Variants in FMNL3 observed in about 807,000 individuals in gnomAD.
FMNL3 encodes formin-like protein 3.
Under a neutral mutation model 119.6 loss-of-function variants are expected in FMNL3, and 57 were observed. The ratio of observed to expected loss-of-function variants is 0.48; its 90% CI spans 0.39 to 0.59. The LOEUF is 0.59. FMNL3 is among the 20% of genes least tolerant of loss of function. FMNL3 has a pLI of 0.00. For synonymous variants in FMNL3, 491 were observed against 507.3 expected (o/e 0.97, Z 0.43); for missense variants, 1,053 against 1,323.5 (o/e 0.80, Z 3.17).
intron 1 of FMNL3, among the ~76,000 whole-genome samples, chr12:49,700,947 T>C (rs370444243): frequency 1.1e-4 from 16 of 150,130 alleles, no homozygotes; most frequent in Admixed American, 6.0e-4. Flanking sequence ...GGCGTGGTGG[T>C]GGGCGTCTGT....
At chr12:49,688,390 T>C (rs1944521489) in intron 1 of FMNL3, 3 of 455,888 alleles carry the variant, frequency 6.6e-6, no homozygotes, top group Non-Finnish European at 1.3e-5. Context: ...TACAATTAAT[T>C]TCCAAACTCC....
intron 1 of FMNL3, 120 bp downstream of exon 1, chr12:49,706,935 G>T: frequency 8.4e-7 from 1 of 1,187,318 alleles, no homozygotes; most frequent in Non-Finnish European, 1.2e-6. Flanking sequence ...TGGAGGCCGG[G>T]ATCCGTTCGG....
At position 49,642,675 on chromosome 12, in the gene FMNL3, G is replaced by A; in HGVS notation, c.*3140C>T. ...TCCGGGAGTTCCTACAGGTGCTGGAGGTGAGGCAGGCTTGTCCTCTGGATC... is the reference window on the plus strand; with the variant it reads ...TCCGGGAGTTCCTACAGGTGCTGGAAGTGAGGCAGGCTTGTCCTCTGGATC... On this transcript the variant is annotated 3_prime_UTR_variant, in exon 26 of 26. Coordinates refer to ENST00000335154, the MANE Select transcript of FMNL3 (RefSeq NM_175736.5). This position sits in a 1 kb window ranked among gnomAD's most constrained non-coding sequence, Gnocchi z 5.8. 1 of 1,613,734 alleles carries A rather than the reference G, an allele frequency of 6.2e-7. No individual in the cohort carries two copies. The highest frequency in any genetic ancestry group is 8.5e-7 in the Non-Finnish European group (1 of 1,179,862).
chr12:49,651,001 A>C, intron 16 of FMNL3, 123 bp from the exon 17 acceptor site: 1 of 1,472,124 alleles, frequency 6.8e-7, no homozygotes. Flanking sequence ...ATACAAACAC[A>C]AAGTGTTGAC....
In FMNL3 at chr12:49,642,737, A is replaced by G. The variant is rs1942844423; in HGVS notation, c.*3078T>C. 6.5e-7 allele frequency: 1 copy of G among 1,543,848 alleles called. No individual in the cohort carries two copies. The highest frequency in any genetic ancestry group is 1.9e-5 in the Admixed American group (1 of 53,898). ...CTTGAACTCATTAGACCAGTTCAAC[A>G]GAGACCTCAGTGGCCTCCCTCTTAC... On this transcript the variant is annotated 3_prime_UTR_variant, in exon 26 of 26. Transcript: ENST00000335154. The surrounding 1 kb of genome is among the most constrained non-coding windows in gnomAD (Gnocchi z 5.8).
chr12:49,669,374 T>C (rs1191802652), intron 1 of FMNL3, among the ~76,000 whole-genome samples: 1 of 152,234 alleles, frequency 6.6e-6, no homozygotes, highest in Non-Finnish European at 1.5e-5. Context: ...GTTTGGTGAC[T>C]GAATAAGGTA....
rs780468537 is a variant in FMNL3, at chr12:49,647,415, G to A, written c.2779-47C>T. ...GGGTGGGGAGTGAGGCTCATAGGCTGTGAGGGGAGGGGCTGACACTGAGGT... is the reference window on the plus strand; with the variant it reads ...GGGTGGGGAGTGAGGCTCATAGGCTATGAGGGGAGGGGCTGACACTGAGGT... On this transcript the variant is annotated intron_variant, in intron 23 of 25. Coordinates refer to ENST00000335154, the MANE Select transcript of FMNL3 (RefSeq NM_175736.5). This position sits in a 1 kb window ranked among gnomAD's most constrained non-coding sequence, Gnocchi z 4.9. 1.3e-6 allele frequency: 2 copies of A among 1,582,186 alleles called. No homozygotes were observed. Among genetic ancestry groups the A allele is most frequent in the Non-Finnish European group, 1.7e-6 (2 of 1,158,928 alleles).
intron 1 of FMNL3, among the ~76,000 whole-genome samples, chr12:49,704,738 A>C (rs1040576953): frequency 3.4e-5 from 5 of 148,788 alleles, no homozygotes; most frequent in South Asian, 2.1e-4. Context: ...AAAAAAAAAG[A>C]AGCTAATCTA....
In FMNL3 at chr12:49,648,275, T is replaced by A; in HGVS notation, c.2594A>T (p.His865Leu). The part of the protein sequence containing the change: ...MELIRRECSI[H>L]DNSVLRNFLS... ...GAAGTTCCGGAGGACGCTGTTGTCA[T>A]GGATGCTGCACTCACGCCGAATCAG... is the stretch of plus-strand genomic sequence containing the variant. The change falls in exon 22 of 26, where the codon CAT becomes CTT. Residue 865 changes from histidine to leucine, a missense_variant. His to Leu is a moderately conservative substitution (Grantham distance 99, BLOSUM62 -3). This residue lies in a region of FMNL3 where 324 missense variants were observed against 380.9 expected (regional missense o/e 0.85). Coordinates refer to ENST00000335154, the MANE Select transcript of FMNL3 (RefSeq NM_175736.5). 1.2e-6 allele frequency: 2 copies of A among 1,613,984 alleles called. No homozygotes were observed.
At position 49,658,427 on chromosome 12, in the gene FMNL3, C is replaced by G. The variant is rs1273620978; in HGVS notation, c.605+15G>C. The stretch of plus-strand genomic sequence containing the variant: ...TAGGGTGGGAGGCAGGTGGGCAGAG[C>G]AAAAGCACACATACCGGAGCACAGA... On this transcript the variant is annotated intron_variant, in intron 6 of 25. Coordinates refer to ENST00000335154, the MANE Select transcript of FMNL3 (RefSeq NM_175736.5). 2.5e-6 allele frequency: 4 copies of G among 1,579,166 alleles called. No individual in the cohort carries two copies. The highest frequency in any genetic ancestry group is 3.5e-6 in the Non-Finnish European group (4 of 1,159,166).
At chr12:49,677,011 C>A (rs565680374) in intron 1 of FMNL3, among the ~76,000 whole-genome samples, 1 of 152,152 alleles carries the variant, frequency 6.6e-6, no homozygotes, top group African/African-American at 2.4e-5. Flanking sequence ...TTGGGCAAAT[C>A]GAATTTCTCC....
At chr12:49,691,950 G>A (rs180718138) in intron 1 of FMNL3, among the ~76,000 whole-genome samples, 2 of 141,262 alleles carry the variant, frequency 1.4e-5, no homozygotes, top group Admixed American at 7.6e-5. Flanking sequence ...CAGGAGAATT[G>A]TTTGAACCCG....
At chr12:49,686,446 C>T (rs1179535468) in intron 1 of FMNL3, among the ~76,000 whole-genome samples, 12 of 151,500 alleles carry the variant, frequency 7.9e-5, no homozygotes, top group Non-Finnish European at 1.3e-4. Flanking sequence ...GGCGTGGTGG[C>T]GGGCGCCTGT....
Position 49,654,141 on chromosome 12 carries a change from G to T in FMNL3, c.1071+51C>A, listed in dbSNP as rs776363098. The T allele has an allele frequency of 1.2e-5, 18 of 1,528,580 alleles. No individual in the cohort carries two copies. The South Asian group carries it at 1.8e-4, about 15-fold the overall frequency. The allele number at this position is 1,528,580 out of a possible 1,614,324, so 94.7% of individuals were successfully genotyped here. On this transcript the variant is annotated intron_variant, in intron 11 of 25. Coordinates refer to ENST00000335154, the MANE Select transcript of FMNL3 (RefSeq NM_175736.5). ...TAAAAGAAAAATCATTTGTGATACGGCTAAACTGATCCCAAAGCACCTCAC... is the reference window on the plus strand; with the variant it reads ...TAAAAGAAAAATCATTTGTGATACGTCTAAACTGATCCCAAAGCACCTCAC...
At chr12:49,685,306 G>A (rs1944429910) in intron 1 of FMNL3, among the ~76,000 whole-genome samples, 1 of 152,028 alleles carries the variant, frequency 6.6e-6, no homozygotes, top group Non-Finnish European at 1.5e-5. Flanking sequence ...GCTGCATGGC[G>A]ATATCCCTAG....
rs1253035753 is a variant in FMNL3, at chr12:49,639,204, G to A, written c.*6611C>T. The A allele has an allele frequency of 3.3e-5, 5 of 152,180 alleles. No individual in the cohort carries two copies. The highest frequency in any genetic ancestry group is 5.9e-5 in the Non-Finnish European group (4 of 68,038). 9.4% of individuals were successfully genotyped at this position (152,180 alleles called of 1,614,324 possible). A position where few individuals can be genotyped will look rare whatever the true frequency, so the allele number is the denominator to read the frequency against. On this transcript the variant is annotated 3_prime_UTR_variant, in exon 26 of 26. Transcript: ENST00000335154. ...AGTAGAACCTTTCAGTCTAGAGTAC[G>A]TACTTATGTCCTTAGGGAAGGTGGT...
intron 1 of FMNL3, among the ~76,000 whole-genome samples, chr12:49,702,905 C>A (rs1944948024): frequency 6.6e-6 from 1 of 152,128 alleles, no homozygotes; most frequent in Non-Finnish European, 1.5e-5. Context: ...TTTTCCCAGC[C>A]CATTTCTGTG....
Position 49,707,044 on chromosome 12 carries a change from T to A in FMNL3, c.126+11A>T, listed in dbSNP as rs1398113152. 5.1e-6 allele frequency: 8 copies of A among 1,571,824 alleles called. No homozygotes were observed. The highest frequency in any genetic ancestry group is 6.9e-6 in the Non-Finnish European group (8 of 1,159,098). On this transcript the variant is annotated intron_variant, in intron 1 of 25. Transcript: ENST00000335154. Reference sequence around the variant, plus strand: ...CGGTACGCGGGGGAAGGGGCTGGGCTCAGCTCTCACCAGCACCAGGGCGAA... The same window carrying A: ...CGGTACGCGGGGGAAGGGGCTGGGCACAGCTCTCACCAGCACCAGGGCGAA...
Position 49,652,002 on chromosome 12 carries a change from G to C in FMNL3, c.1534C>G (p.Pro512Ala), listed in dbSNP as rs1246470208. Residue 512 changes from proline (P) to alanine (A), a missense_variant, in exon 14 of 26, where the codon CCT (proline) becomes GCT (alanine). Pro to Ala is a conservative substitution (Grantham distance 27). Transcript: ENST00000335154. ...DLDLLAPAPP[P>A]EEVLPLPPPP... ...GGAGGAAGAGGCAGGACCTCCTCAGGGGGTGGGGCTGGAGCCAGAAGGTCC... is the reference window on the plus strand; with the variant it reads ...GGAGGAAGAGGCAGGACCTCCTCAGCGGGTGGGGCTGGAGCCAGAAGGTCC... The C allele has an allele frequency of 2.5e-6, 4 of 1,606,982 alleles. No homozygotes were observed. The highest frequency in any genetic ancestry group is 4.5e-5 in the East Asian group (2 of 44,700).
Sources: allele counts gnomAD v4.1 joint callset (sites outside exome capture counted in the v4.1 genomes callset), GRCh38; gene constraint gnomAD v4.1.1; regional missense constraint gnomAD v4.1.1; non-coding constraint Gnocchi (gnomAD v3.1); transcripts MANE v1.5; gene names NCBI Gene and HGNC (gene_info 2026-07-23, HGNC 2026-07-21).